ZNF367: variants seen among roughly 807,000 people sequenced by gnomAD.
ZNF367 encodes the protein C2H2 zinc finger protein ZFF29.
A neutral mutation model predicts 31.8 loss-of-function variants in ZNF367; 11 were observed. That is an observed-to-expected ratio of 0.35 (90% CI 0.22 to 0.57). The LOEUF (loss-of-function observed/expected upper bound fraction) is 0.57. ZNF367 is among the 20% of genes least tolerant of loss of function. The probability of loss-of-function intolerance (pLI) is 0.85; values close to 1 mark genes in which losing one functional copy is unlikely to be tolerated. For missense variants in ZNF367, 353 were observed against 484.1 expected, an observed-to-expected ratio of 0.73 and a Z score of 2.54; for synonymous variants, 199 against 202.4, an observed-to-expected ratio of 0.98 and a Z score of 0.14.
At position 96,406,919 on chromosome 9, in the gene ZNF367, G is replaced by A. The variant is rs572756000; in HGVS notation, c.421-8605C>T. Among the ~76,000 whole-genome samples the A allele has an allele frequency of 2.0e-5, 3 of 148,898 alleles. No individual in the cohort carries two copies. In the East Asian group the frequency reaches 6.1e-4, roughly 30 times the overall value. ...CGGGAGGCTGAGGCAGGAGAATGGC[G>A]TGAACCCGGGAGGCAGAGCTTGCAG... On this transcript the variant is annotated intron_variant, in intron 1 of 4. Coordinates refer to ENST00000375256, the MANE Select transcript of ZNF367 (RefSeq NM_153695.4).
intron 3 of ZNF367, among the ~76,000 whole-genome samples, chr9:96,394,564 ATGTC>A (rs1427206112): frequency 5.3e-5 from 8 of 152,212 alleles, no homozygotes; most frequent in African/African-American, 1.9e-4. Context: ...TATGCATTGC[ATGTC>A]TGTATCAAGT....
At chr9:96,393,791 A>G (rs111536388) in intron 3 of ZNF367, among the ~76,000 whole-genome samples, 13 of 152,254 alleles carry the variant, frequency 8.5e-5, no homozygotes, top group Non-Finnish European at 1.9e-4. Flanking sequence ...AGATGGCGCC[A>G]TTGCACTCCA....
intron 1 of ZNF367, among the ~76,000 whole-genome samples, chr9:96,400,603 A>T (rs1831591034): frequency 2.6e-5 from 4 of 152,098 alleles, no homozygotes; most frequent in Admixed American, 2.0e-4. Flanking sequence ...AACTGATAGA[A>T]CAATCAGCCA....
chr9:96,410,651 G>T (rs1285070921), intron 1 of ZNF367, among the ~76,000 whole-genome samples: 4 of 148,102 alleles, frequency 2.7e-5, no homozygotes, highest in African/African-American at 1.0e-4. Flanking sequence ...CGAGGTGGGT[G>T]GATCACAAGG....
intron 1 of ZNF367, among the ~76,000 whole-genome samples, chr9:96,413,847 C>T (rs138000978): frequency 1.6e-4 from 25 of 152,250 alleles, no homozygotes; most frequent in African/African-American, 5.8e-4. Context: ...CTGACACCTC[C>T]CCTGGGAGAA....
At chr9:96,402,971 C>T (rs982299777) in intron 1 of ZNF367, among the ~76,000 whole-genome samples, 14 of 147,202 alleles carry the variant, frequency 9.5e-5, no homozygotes, top group Admixed American at 9.4e-4. Flanking sequence ...AATTAAACAA[C>T]ACACTTTTTT....
chr9:96,388,278 T>C lies in ZNF367; in HGVS notation c.1012A>G (p.Ile338Val). The C allele has an allele frequency of 6.2e-6, 10 of 1,612,120 alleles. No individual in the cohort carries two copies. Among genetic ancestry groups the C allele is most frequent in the Non-Finnish European group, 7.6e-6 (9 of 1,180,010 alleles). ...RERLHGALAL[I>V]ELANLTGAPL... The stretch of plus-strand genomic sequence containing the variant: ...GCCCCAGTCAGGTTGGCAAGCTCTA[T>C]GAGCGCGAGGGCTCCATGCAGGCGC... The change falls in exon 5 of 5, where the codon ATA (isoleucine) becomes GTA (valine). Residue 338 changes from isoleucine to valine, a missense_variant. Physicochemically the swap from Ile to Val is conservative, Grantham distance 29. Transcript: ENST00000375256.
chr9:96,411,611 G>T (rs1831750350), intron 1 of ZNF367, among the ~76,000 whole-genome samples: 1 of 151,918 alleles, frequency 6.6e-6, no homozygotes, highest in Admixed American at 6.6e-5. Flanking sequence ...ACATATTGCT[G>T]ACTTTTGCAA....
rs1166962220 is a variant in ZNF367, at chr9:96,386,221, T to TA, written c.*2015dup. On this transcript the variant is annotated 3_prime_UTR_variant, in exon 5 of 5. Transcript: ENST00000375256. ...TCTTAAACTGTTGCAATTATACAAA[T>TA]AAAAAATGTTTATGAAAAAACTATT... 6.6e-6 allele frequency: 1 copy of TA among 152,076 alleles called. No homozygotes were observed. The highest frequency in any genetic ancestry group is 1.5e-5 in the Non-Finnish European group (1 of 67,966). 9.4% of individuals were successfully genotyped at this position (152,076 alleles called of 1,614,324 possible).
intron 1 of ZNF367, among the ~76,000 whole-genome samples, chr9:96,405,314 C>CAA (rs975848691): frequency 0.028 from 1,507 of 53,366 alleles, 59 homozygotes; most frequent in African/African-American, 0.091. Flanking sequence ...AACTCTGTCT[C>CAA]AAAAAAAAAA....
Position 96,388,138 on chromosome 9 carries a change from C to T in ZNF367, c.*99G>A. 8.4e-7 allele frequency: 1 copy of T among 1,183,972 alleles called. No homozygotes were observed. The highest frequency in any genetic ancestry group is 2.4e-5 in the East Asian group (1 of 41,188). The allele number at this position is 1,183,972 out of a possible 1,614,324, so 73.3% of individuals were successfully genotyped here. A position where few individuals can be genotyped will look rare whatever the true frequency, so the allele number is the denominator to read the frequency against. On this transcript the variant is annotated 3_prime_UTR_variant, in exon 5 of 5. Coordinates refer to ENST00000375256, the MANE Select transcript of ZNF367 (RefSeq NM_153695.4). Reference sequence around the variant, plus strand: ...TTCATAAATTTCTACAGAATAGCAGCCTATGATAAGCAAATAAGGTGCTTA... The same window carrying T: ...TTCATAAATTTCTACAGAATAGCAGTCTATGATAAGCAAATAAGGTGCTTA...
chr9:96,395,932 A>C (rs1407643415), intron 2 of ZNF367, among the ~76,000 whole-genome samples: 3 of 152,244 alleles, frequency 2.0e-5, no homozygotes, highest in African/African-American at 7.2e-5. Flanking sequence ...TGCATTTTCC[A>C]GTATAACTCA....
At chr9:96,395,754 T>C (rs1359549767) in intron 2 of ZNF367, among the ~76,000 whole-genome samples, 1 of 152,220 alleles carries the variant, frequency 6.6e-6, no homozygotes, top group African/African-American at 2.4e-5. Context: ...GGTCCTGTGT[T>C]GTTTATGTGT....
In ZNF367 at chr9:96,417,727, C is replaced by T. The variant is rs1288451675; in HGVS notation, c.306G>A (p.Glu102=). The change falls in exon 1 of 5, where the codon GAG becomes GAA. Residue 102 remains glutamate, a synonymous_variant. Transcript: ENST00000375256. The surrounding 1 kb of genome is among the most constrained non-coding windows in gnomAD (Gnocchi z 5.0). ...CGCCCCGGCCACGAAGCCCCGAGTG[C>T]TCGGCGGCTGCGGCTGCAGGCAGGG... ...SAALPAAAAA[E]HSGLRGRGAP... 4 of 1,223,240 alleles carry T rather than the reference C, an allele frequency of 3.3e-6. No homozygotes were observed. The highest frequency in any genetic ancestry group is 4.1e-6 in the Non-Finnish European group (4 of 981,472). The allele number at this position is 1,223,240 out of a possible 1,614,324, so 75.8% of individuals were successfully genotyped here.
intron 4 of ZNF367, among the ~76,000 whole-genome samples, chr9:96,388,855 A>C (rs1017403934): frequency 2.6e-5 from 4 of 152,236 alleles, no homozygotes; most frequent in African/African-American, 9.6e-5. Flanking sequence ...AACGCTGTAA[A>C]TATTAAACCC....
intron 2 of ZNF367, among the ~76,000 whole-genome samples, chr9:96,397,268 T>C (rs1380986500): frequency 6.6e-6 from 1 of 152,034 alleles, no homozygotes; most frequent in Non-Finnish European, 1.5e-5. Flanking sequence ...ACTATAAGGT[T>C]CCTTCCTTTG....
chr9:96,411,126 G>A (rs543683120), intron 1 of ZNF367, among the ~76,000 whole-genome samples: 12 of 151,886 alleles, frequency 7.9e-5, no homozygotes, highest in Admixed American at 1.3e-4. Flanking sequence ...CAAGGCGGCA[G>A]TGAGCCATGA....
chr9:96,402,968 C>T (rs1237656025), intron 1 of ZNF367, among the ~76,000 whole-genome samples: 3 of 148,760 alleles, frequency 2.0e-5, no homozygotes, highest in African/African-American at 7.6e-5. Flanking sequence ...AGAAATTAAA[C>T]AACACACTTT....
intron 4 of ZNF367, among the ~76,000 whole-genome samples, chr9:96,389,832 C>T (rs1213478676): frequency 3.9e-4 from 59 of 151,612 alleles, no homozygotes. Context: ...TGGGTTCAAA[C>T]TATTCTCGTG....
Sources: allele counts gnomAD v4.1 joint callset (sites outside exome capture counted in the v4.1 genomes callset), GRCh38; gene constraint gnomAD v4.1.1; non-coding constraint Gnocchi (gnomAD v3.1); transcripts MANE v1.5; gene names NCBI Gene and HGNC (gene_info 2026-07-23, HGNC 2026-07-21).